The following CALN1 variants were observed in gnomAD, a reference collection of about 807,000 sequenced individuals.
CALN1 encodes calneuron 1, also known as calcium-binding protein 8.
CALN1 carries 17 observed loss-of-function variants against 30.6 expected under a neutral mutation model. The observed-to-expected ratio is 0.56, with a 90% CI of 0.38 to 0.83. The LOEUF (loss-of-function observed/expected upper bound fraction) is 0.83, where lower values mean the gene tolerates loss of function less well. CALN1 is among the 40% of genes least tolerant of loss of function. The pLI is 0.00. For missense variants in CALN1, 291 were observed against 354.9 expected (o/e 0.82, Z 1.45); for synonymous variants, 156 against 131.4 (o/e 1.19, Z -1.28).
At chr7:72,232,171 G>C (rs1794152282) in intron 3 of CALN1, among the ~76,000 whole-genome samples, 1 of 152,202 alleles carries the variant, frequency 6.6e-6, no homozygotes, top group African/African-American at 2.4e-5. Flanking sequence ...GAGCAGAGAG[G>C]ATGTAGGAGC....
At chr7:72,173,780 AAAATGAACTC>A (rs1789146540) in intron 3 of CALN1, among the ~76,000 whole-genome samples, 1 of 152,184 alleles carries the variant, frequency 6.6e-6, no homozygotes, top group Non-Finnish European at 1.5e-5. Context: ...CTTGTATGTA[AAAATGAACTC>A]AAAATTGATA....
chr7:71,801,244 G>A (rs983192697), intron 6 of CALN1, among the ~76,000 whole-genome samples: 5 of 151,998 alleles, frequency 3.3e-5, no homozygotes, highest in Admixed American at 6.6e-5. Flanking sequence ...ACAGGGTTTC[G>A]TTCTGTCACC....
chr7:72,114,629 T>A (rs1807835810), intron 3 of CALN1, among the ~76,000 whole-genome samples: 1 of 152,116 alleles, frequency 6.6e-6, no homozygotes, highest in Admixed American at 6.5e-5. Context: ...AATGATCAAC[T>A]GACTTCAGAA....
rs529214165 is a variant in CALN1, at chr7:72,434,287, G to A, written c.-226+12755C>T. On this transcript the variant is annotated intron_variant, in intron 1 of 6. Coordinates refer to the CALN1 transcript ENST00000395276. Reference sequence around the variant, plus strand: ...GGAGGCCAAGGCGGGTGGATCACCTGAGGTCAGGAGTTTGAGACCAGCCTG... The same window carrying A: ...GGAGGCCAAGGCGGGTGGATCACCTAAGGTCAGGAGTTTGAGACCAGCCTG... 2.2e-3 allele frequency among the ~76,000 whole-genome samples: 338 copies of A among 150,766 alleles called. 1 individual carries two copies. Among genetic ancestry groups the A allele is most frequent in the African/African-American group, 8.1e-3 (331 of 41,016 alleles).
chr7:72,159,322 A>G (rs904210563), intron 3 of CALN1, among the ~76,000 whole-genome samples: 1 of 152,168 alleles, frequency 6.6e-6, no homozygotes, highest in Non-Finnish European at 1.5e-5. Flanking sequence ...CAATATAGCA[A>G]GACCCCATCT....
At chr7:72,140,448 T>C (rs1308827475) in intron 3 of CALN1, among the ~76,000 whole-genome samples, 1 of 151,952 alleles carries the variant, frequency 6.6e-6, no homozygotes, top group Non-Finnish European at 1.5e-5. Context: ...CTGCTGCTCC[T>C]GTGGACCTGC....
chr7:72,280,061 T>C (rs1172932091), intron 2 of CALN1, among the ~76,000 whole-genome samples: 1 of 152,212 alleles, frequency 6.6e-6, no homozygotes, highest in Non-Finnish European at 1.5e-5. Flanking sequence ...GCATCCTACA[T>C]GCTATTTCCA....
intron 1 of CALN1, among the ~76,000 whole-genome samples, chr7:72,428,396 TA>T (rs1277462219): frequency 1.4e-4 from 20 of 141,900 alleles, no homozygotes; most frequent in African/African-American, 5.2e-4. Flanking sequence ...TTTATTTTAT[TA>T]TTTTTTTTTT....
rs533091686 is a variant in CALN1 at position 72,344,338 on chromosome 7, C to G, written c.119+58913G>C. On this transcript the variant is annotated intron_variant, in intron 2 of 6. Transcript: ENST00000395275. ...CGTTTGGGGATGAATTTTTGTTATG[C>G]AGCAATAAATAACCAGAAAAATTAA... 7.2e-5 allele frequency among the ~76,000 whole-genome samples: 11 copies of G among 151,882 alleles called. No homozygotes were observed. In the East Asian group the frequency reaches 1.9e-3, roughly 27 times the overall value.
chr7:72,270,403 AT>A (rs1364274269), intron 3 of CALN1, among the ~76,000 whole-genome samples: 5 of 152,196 alleles, frequency 3.3e-5, no homozygotes, highest in Non-Finnish European at 7.3e-5. Flanking sequence ...GTGGATTTGA[AT>A]TTTTTAAGAC....
intron 5 of CALN1, among the ~76,000 whole-genome samples, chr7:71,870,664 A>T (rs59411355): frequency 0.25 from 37,455 of 152,064 alleles, 4,957 homozygotes; most frequent in African/African-American, 0.32. Flanking sequence ...GAGAACAACA[A>T]GCTCCATTTG....
intron 3 of CALN1, among the ~76,000 whole-genome samples, chr7:72,118,428 A>G (rs192265796): frequency 6.6e-6 from 1 of 152,368 alleles, no homozygotes; most frequent in East Asian, 1.9e-4. Flanking sequence ...TTCTTAAGCT[A>G]GAATGGCACA....
chr7:72,074,559 C>T (rs1804608759), intron 4 of CALN1, among the ~76,000 whole-genome samples: 1 of 152,160 alleles, frequency 6.6e-6, no homozygotes, highest in Non-Finnish European at 1.5e-5. Flanking sequence ...AGGCACCCAC[C>T]ACCACTCCAG....
intron 1 of CALN1, among the ~76,000 whole-genome samples, chr7:72,427,744 G>A (rs1005475495): frequency 7.9e-5 from 12 of 151,914 alleles, no homozygotes; most frequent in South Asian, 6.2e-4. Flanking sequence ...GCCTCCTGAC[G>A]TGCTGGGGTT....
At chr7:72,236,575 C>T (rs1243517198) in intron 3 of CALN1, among the ~76,000 whole-genome samples, 1 of 152,202 alleles carries the variant, frequency 6.6e-6, no homozygotes, top group Non-Finnish European at 1.5e-5. Context: ...TGAAAAAGTT[C>T]AGGGTTGCAG....
intron 4 of CALN1, among the ~76,000 whole-genome samples, chr7:72,075,451 C>T (rs1412817277): frequency 6.6e-6 from 1 of 152,206 alleles, no homozygotes; most frequent in African/African-American, 2.4e-5. Flanking sequence ...AACAAAGTCT[C>T]TATCTTTAGA....
At chr7:71,886,709 G>A (rs934398229) in intron 5 of CALN1, among the ~76,000 whole-genome samples, 1 of 149,980 alleles carries the variant, frequency 6.7e-6, no homozygotes, top group East Asian at 2.0e-4. Context: ...GGAGGCGGAG[G>A]TTGCAGTGAG....
At chr7:72,272,892 T>G (rs554205113) in intron 3 of CALN1, among the ~76,000 whole-genome samples, 4 of 152,088 alleles carry the variant, frequency 2.6e-5, no homozygotes, top group East Asian at 3.9e-4. Flanking sequence ...TCCTGGGTTA[T>G]CTATACAGCA....
intron 5 of CALN1, among the ~76,000 whole-genome samples, chr7:71,950,619 A>G (rs966782961): frequency 1.3e-5 from 2 of 152,002 alleles, no homozygotes; most frequent in African/African-American, 4.8e-5. Context: ...TTTTGTCCCT[A>G]ACACCCCCGA....
Sources: gnomAD v4.1 joint callset for allele counts (sites outside exome capture counted in the v4.1 genomes callset) on GRCh38, gnomAD v4.1.1 for gene constraint, MANE v1.5 for transcripts, NCBI Gene and HGNC (gene_info 2026-07-23, HGNC 2026-07-21) for gene names.